Variants in FARS2 observed in about 807,000 individuals in gnomAD.
The protein encoded by FARS2 is phenylalanine--tRNA ligase, mitochondrial.
FARS2 carries 40 observed loss-of-function variants against 46.4 expected under a neutral mutation model. That is an observed-to-expected ratio of 0.86 (90% confidence interval 0.67 to 1.12). The LOEUF (loss-of-function observed/expected upper bound fraction) is 1.12, where lower values mean the gene tolerates loss of function less well. FARS2 is among the 50% of genes most tolerant of loss of function. FARS2 has a pLI of 0.00. For synonymous variants in FARS2, 234 were observed against 214.9 expected (o/e 1.09, Z -0.78); for missense variants, 513 against 567.9 (o/e 0.90, Z 0.98).
At chr6:5,662,576 C>G (rs910319241) in intron 6 of FARS2, among the ~76,000 whole-genome samples, 3 of 152,210 alleles carry the variant, frequency 2.0e-5, no homozygotes, top group East Asian at 1.9e-4. Context: ...ACCGTTTGAA[C>G]TAACTCAGGG....
At chr6:5,435,661 T>C (rs995704433) in intron 4 of FARS2, among the ~76,000 whole-genome samples, 3 of 152,138 alleles carry the variant, frequency 2.0e-5, no homozygotes, top group Non-Finnish European at 2.9e-5. Flanking sequence ...TGCCTCCCAC[T>C]GGGTTGACTC....
chr6:5,454,339 A>G, intron 4 of FARS2, among the ~76,000 whole-genome samples: 1 of 147,962 alleles, frequency 6.8e-6, no homozygotes, highest in Admixed American at 6.6e-5. Flanking sequence ...TTTTTTTAAA[A>G]TTTATTTATT....
At chr6:5,538,487 T>C (rs956506602) in intron 4 of FARS2, among the ~76,000 whole-genome samples, 2 of 152,154 alleles carry the variant, frequency 1.3e-5, no homozygotes, top group Non-Finnish European at 2.9e-5. Flanking sequence ...TAAGCTCCGA[T>C]GGGGCCAAAG....
chr6:5,530,166 G>C (rs1421877775), intron 4 of FARS2, among the ~76,000 whole-genome samples: 1 of 152,174 alleles, frequency 6.6e-6, no homozygotes, highest in Non-Finnish European at 1.5e-5. Flanking sequence ...CTCCAGATGT[G>C]TCACCTGGAG....
At chr6:5,441,986 G>A (rs139630984) in intron 4 of FARS2, among the ~76,000 whole-genome samples, 2 of 152,256 alleles carry the variant, frequency 1.3e-5, no homozygotes, top group East Asian at 3.9e-4. Flanking sequence ...TGTAGTCCTA[G>A]CCTAGAGGCT....
In FARS2 at chr6:5,764,102, G is replaced by C. The variant is rs1488576060; in HGVS notation, c.1218-7189G>C. 1.3e-5 allele frequency among the ~76,000 whole-genome samples: 2 copies of C among 152,072 alleles called. No homozygotes were observed. The highest frequency in any genetic ancestry group is 2.9e-5 in the Non-Finnish European group (2 of 68,018). ...ATGGAGCGCCTACTCTGGGTGGCTGGCTCTGTATTAACACTCTACACGCCC... is the reference window on the plus strand; with the variant it reads ...ATGGAGCGCCTACTCTGGGTGGCTGCCTCTGTATTAACACTCTACACGCCC... On this transcript the variant is annotated intron_variant, in intron 6 of 6. Transcript: ENST00000274680. This position sits in a 1 kb window ranked among gnomAD's most constrained non-coding sequence, Gnocchi z 4.1.
chr6:5,444,233 CCAATGTGGGCGGATCA>C (rs1198027548), intron 4 of FARS2, among the ~76,000 whole-genome samples: 3 of 151,508 alleles, frequency 2.0e-5, no homozygotes, highest in Non-Finnish European at 4.4e-5. Context: ...CTTTGGGAGG[CCAATGTGGGCGGATCA>C]CAAGGTCAGG....
chr6:5,470,855 T>G (rs769058114), intron 4 of FARS2, among the ~76,000 whole-genome samples: 33 of 152,240 alleles, frequency 2.2e-4, no homozygotes, highest in Non-Finnish European at 4.6e-4. Context: ...CTCAATTTTT[T>G]TATCTTTTTA....
chr6:5,618,422 A>G (rs1775587814), intron 6 of FARS2, among the ~76,000 whole-genome samples: 1 of 152,196 alleles, frequency 6.6e-6, no homozygotes, highest in African/African-American at 2.4e-5. Flanking sequence ...AGTGCAAAAG[A>G]GCGCCGACCC....
At chr6:5,576,650 A>G (rs563161561) in intron 5 of FARS2, among the ~76,000 whole-genome samples, 16 of 75,186 alleles carry the variant, frequency 2.1e-4, no homozygotes, top group African/African-American at 7.1e-4. Context: ...TATATATCCT[A>G]TTAGTTCTGT....
intron 1 of FARS2, among the ~76,000 whole-genome samples, chr6:5,264,144 G>C (rs1480588000): frequency 6.6e-6 from 1 of 152,154 alleles, no homozygotes; most frequent in East Asian, 1.9e-4. Context: ...CTACTTGGGA[G>C]GCTGAGGTGG....
At chr6:5,528,530 A>C (rs1489325760) in intron 4 of FARS2, among the ~76,000 whole-genome samples, 1 of 152,170 alleles carries the variant, frequency 6.6e-6, no homozygotes, top group African/African-American at 2.4e-5. Flanking sequence ...ATCCCTTGAA[A>C]GCTTGAACTA....
At chr6:5,315,146 T>C (rs1162636544) in intron 1 of FARS2, among the ~76,000 whole-genome samples, 2 of 152,192 alleles carry the variant, frequency 1.3e-5, no homozygotes, top group African/African-American at 4.8e-5. Flanking sequence ...AGGAATAAAT[T>C]TTTGGAATAA....
chr6:5,347,171 C>G (rs1757291916), intron 1 of FARS2, among the ~76,000 whole-genome samples: 1 of 152,172 alleles, frequency 6.6e-6, no homozygotes, highest in South Asian at 2.1e-4. Context: ...ACCTTGGCCC[C>G]CCGAAGTGTG....
intron 4 of FARS2, among the ~76,000 whole-genome samples, chr6:5,533,800 C>T (rs1224284365): frequency 3.9e-5 from 6 of 152,256 alleles, no homozygotes; most frequent in South Asian, 2.1e-4. Context: ...ACCGTTACCC[C>T]GGACATGACT....
At chr6:5,324,786 C>T (rs111978140) in intron 1 of FARS2, among the ~76,000 whole-genome samples, 1 of 152,062 alleles carries the variant, frequency 6.6e-6, no homozygotes, top group Non-Finnish European at 1.5e-5. Context: ...AGTCTCAGTC[C>T]CCTTCTAGGA....
At chr6:5,341,063 G>A (rs1433181978) in intron 1 of FARS2, among the ~76,000 whole-genome samples, 5 of 150,398 alleles carry the variant, frequency 3.3e-5, no homozygotes, top group Admixed American at 6.6e-5. Context: ...CAGGAGAATC[G>A]CTTGAACCAG....
chr6:5,539,384 G>GTGTGTATGTGTGTA, intron 4 of FARS2, among the ~76,000 whole-genome samples: 2 of 79,582 alleles, frequency 2.5e-5, no homozygotes, highest in African/African-American at 9.3e-5. Context: ...TTTTTTTTGT[G>GTGTGTATGTGTGTA]TATATATATA....
At chr6:5,533,770 G>C (rs1770008903) in intron 4 of FARS2, among the ~76,000 whole-genome samples, 1 of 152,190 alleles carries the variant, frequency 6.6e-6, no homozygotes, top group South Asian at 2.1e-4. Flanking sequence ...GTTGAAACAG[G>C]GACCTGAAAC....
Sources: gnomAD v4.1 joint callset for allele counts (sites outside exome capture counted in the v4.1 genomes callset) on GRCh38, gnomAD v4.1.1 for gene constraint, Gnocchi (gnomAD v3.1) non-coding constraint, MANE v1.5 for transcripts, NCBI Gene and HGNC (gene_info 2026-07-23, HGNC 2026-07-21) for gene names.